Variants in ACSM2A observed in about 807,000 individuals in gnomAD.
ACSM2A encodes acyl-CoA synthetase medium chain family member 2A.
A neutral mutation model predicts 76.6 loss-of-function variants in ACSM2A; 72 were observed. That is an observed-to-expected ratio of 0.94 (90% CI 0.78 to 1.14). ACSM2A has a LOEUF of 1.14. Among genes scored for constraint, ACSM2A ranks in the 50% most tolerant of loss-of-function variants. The probability of loss-of-function intolerance (pLI) is 0.00; values close to 1 mark genes in which losing one functional copy is unlikely to be tolerated. For synonymous variants in ACSM2A, 249 were observed against 255.9 expected (o/e 0.97, Z 0.26); for missense variants, 684 against 708.5 (o/e 0.97, Z 0.39).
At chr16:20,474,471 G>A (rs889123510) in intron 6 of ACSM2A, among the ~76,000 whole-genome samples, 3 of 152,110 alleles carry the variant, frequency 2.0e-5, no homozygotes, top group Non-Finnish European at 2.9e-5. Flanking sequence ...ACAGCAAGAA[G>A]GCTCTCACCA....
chr16:20,459,641 C>T (rs2012481573), intron 1 of ACSM2A, among the ~76,000 whole-genome samples: 1 of 152,192 alleles, frequency 6.6e-6, no homozygotes, highest in Non-Finnish European at 1.5e-5. Context: ...ATCCCAGACA[C>T]TCACATCTCG....
At position 20,487,527 on chromosome 16, in the gene ACSM2A, A is replaced by C. The variant is rs2014440275; in HGVS notation, c.*849A>C. The C allele has an allele frequency of 1.3e-5, 2 of 152,222 alleles. No homozygotes were observed. The highest frequency in any genetic ancestry group is 1.3e-4 in the Admixed American group (2 of 15,280). The allele number at this position is 152,222 out of a possible 1,614,324, so 9.4% of individuals were successfully genotyped here. ...TGCATTATAAATACCACGTTGTTTC[A>C]CCTGTGTGTGGCATCTACAGACCTT... On this transcript the variant is annotated 3_prime_UTR_variant, in exon 14 of 14. Coordinates refer to ENST00000573854, the MANE Select transcript of ACSM2A (RefSeq NM_001308172.2).
chr16:20,485,577 A>T (rs561511246), intron 13 of ACSM2A, among the ~76,000 whole-genome samples: 1 of 152,344 alleles, frequency 6.6e-6, no homozygotes, highest in East Asian at 1.9e-4. Context: ...CAGTTTCTAA[A>T]TGCATGGGTA....
In ACSM2A at chr16:20,483,207, A is replaced by G. The variant is rs1286465974; in HGVS notation, c.1629+30A>G. 7 of 1,609,170 alleles carry G rather than the reference A, an allele frequency of 4.4e-6. No homozygotes were observed. In the African/African-American group the frequency reaches 6.7e-5, roughly 15 times the overall value. ...GGCCTTTGAGCTCCCAAGTCACTCA[A>G]ACTTGAGAAATAGATTGTTTTCCTG... On this transcript the variant is annotated intron_variant, in intron 13 of 13. Coordinates refer to ENST00000573854, the MANE Select transcript of ACSM2A (RefSeq NM_001308172.2).
At chr16:20,454,764 C>T (rs1043800569) in intron 1 of ACSM2A, among the ~76,000 whole-genome samples, 1 of 151,670 alleles carries the variant, frequency 6.6e-6, no homozygotes, top group Admixed American at 6.6e-5. Flanking sequence ...TTAACACCTC[C>T]CCCCAAAAAT....
intron 3 of ACSM2A, among the ~76,000 whole-genome samples, chr16:20,467,996 GAA>G (rs2141715786): frequency 1.3e-5 from 2 of 152,104 alleles, no homozygotes; most frequent in South Asian, 4.2e-4. Flanking sequence ...CTGAGCATGA[GAA>G]AGCAATGGGT....
intron 1 of ACSM2A, among the ~76,000 whole-genome samples, chr16:20,457,531 A>G (rs1345220257): frequency 6.6e-6 from 1 of 152,176 alleles, no homozygotes; most frequent in Non-Finnish European, 1.5e-5. Flanking sequence ...AATAAATGTG[A>G]TACACCACAT....
chr16:20,476,602 G>A, intron 8 of ACSM2A: 1 of 985,608 alleles, frequency 1.0e-6, no homozygotes, highest in Non-Finnish European at 1.2e-6. Flanking sequence ...TTTAGGATAT[G>A]CTTACAAGGA....
intron 12 of ACSM2A, chr16:20,482,844 A>AT (rs1484453764): frequency 1.7e-6 from 1 of 594,492 alleles, no homozygotes; most frequent in Admixed American, 3.2e-5. Flanking sequence ...CCTAGTCTCA[A>AT]TCTTTTGTCC....
intron 4 of ACSM2A, 133 bp downstream of exon 4, chr16:20,469,852 A>G: frequency 3.8e-6 from 5 of 1,308,324 alleles, no homozygotes; most frequent in Non-Finnish European, 5.3e-6. Flanking sequence ...CTGGGAAGAA[A>G]TAAAAGCTAA....
chr16:20,481,033 G>C, intron 12 of ACSM2A, 112 bp downstream of exon 12: 1 of 1,296,828 alleles, frequency 7.7e-7, no homozygotes, highest in Non-Finnish European at 1.1e-6. Context: ...CCCAATCTTG[G>C]CCCTGCCACT....
chr16:20,460,025 G>A (rs2012508671), intron 1 of ACSM2A, 82 bp from the exon 2 acceptor site: 2 of 1,448,310 alleles, frequency 1.4e-6, no homozygotes, highest in Admixed American at 2.4e-5. Context: ...ATAAGGTTGG[G>A]ATGAATCTCC....
intron 9 of ACSM2A, among the ~76,000 whole-genome samples, chr16:20,478,253 A>C (rs1029304492): frequency 1.3e-5 from 2 of 152,180 alleles, no homozygotes; most frequent in Admixed American, 1.3e-4. Flanking sequence ...TTGAGTTTTG[A>C]TCTGCCCGAT....
chr16:20,465,760 C>T (rs775393693), intron 3 of ACSM2A, 33 bp downstream of exon 3: 2 of 1,602,812 alleles, frequency 1.2e-6, no homozygotes, highest in Admixed American at 1.7e-5. Context: ...AGAGAACTGT[C>T]TTCCTTGTGA....
At chr16:20,454,767 C>A (rs1211805178) in intron 1 of ACSM2A, among the ~76,000 whole-genome samples, 1 of 151,798 alleles carries the variant, frequency 6.6e-6, no homozygotes, top group South Asian at 2.1e-4. Context: ...ACACCTCCCC[C>A]CAAAAATCAC....
chr16:20,456,206 GA>G (rs1238706702), intron 1 of ACSM2A, among the ~76,000 whole-genome samples: 2 of 139,224 alleles, frequency 1.4e-5, no homozygotes, highest in Admixed American at 1.5e-4. Flanking sequence ...AATAGTGGGG[GA>G]CTTCAATACT....
rs755527888 is a variant in ACSM2A, at chr16:20,478,558, A to G, written c.1180-18A>G. On this transcript the variant is annotated intron_variant, in intron 9 of 13. Transcript: ENST00000573854. ...TCCTGCTGTGTGCATCATTCTTCCA[A>G]TCTGCTTCTTTCTCCAGATCATAGA... The G allele has an allele frequency of 2.5e-6, 4 of 1,611,464 alleles. No individual in the cohort carries two copies. Among genetic ancestry groups the G allele is most frequent in the Non-Finnish European group, 3.4e-6 (4 of 1,178,432 alleles).
rs1388276925 is a variant in ACSM2A, at chr16:20,451,542, T to C, written c.-148T>C. On this transcript the variant is annotated 5_prime_UTR_variant, in exon 1 of 14. Transcript: ENST00000573854. ...TGTCAATGATTAGCTGAGCTCTCTT[T>C]CTGACAGTGCAGGGATTCTGAAGCT... 6.6e-6 allele frequency: 1 copy of C among 151,734 alleles called. No homozygotes were observed. The highest frequency in any genetic ancestry group is 1.5e-5 in the Non-Finnish European group (1 of 67,914). 9.4% of individuals were successfully genotyped at this position (151,734 alleles called of 1,614,324 possible). A position where few individuals can be genotyped will look rare whatever the true frequency, so the allele number is the denominator to read the frequency against.
chr16:20,458,913 TA>T (rs2012411877), intron 1 of ACSM2A, among the ~76,000 whole-genome samples: 1 of 59,664 alleles, frequency 1.7e-5, no homozygotes, highest in African/African-American at 9.1e-5. Flanking sequence ...TGCATATATA[TA>T]TATATATATA....
Sources: allele counts gnomAD v4.1 joint callset (sites outside exome capture counted in the v4.1 genomes callset), GRCh38; gene constraint gnomAD v4.1.1; transcripts MANE v1.5; gene names NCBI Gene and HGNC (gene_info 2026-07-23, HGNC 2026-07-21).